SLX4IP: variants seen among roughly 807,000 people sequenced by gnomAD.
SLX4IP encodes the protein SLX4 interacting protein.
Under a neutral mutation model 32.9 loss-of-function variants are expected in SLX4IP, and 34 were observed. That is an observed-to-expected ratio of 1.03 (90% CI 0.79 to 1.38). The LOEUF (loss-of-function observed/expected upper bound fraction) is 1.38. Among genes scored for constraint, SLX4IP ranks in the 40% most tolerant of loss-of-function variants. The pLI is 0.00. For missense variants in SLX4IP, 444 were observed against 479.0 expected (o/e 0.93, Z 0.68); for synonymous variants, 172 against 171.7 (o/e 1.00, Z -0.01).
At position 10,616,186 on chromosome 20, in the gene SLX4IP, C is replaced by T. The variant is rs559769530; in HGVS notation, c.406-5128C>T. Among the ~76,000 whole-genome samples, 17 of 152,168 alleles carry T rather than the reference C, an allele frequency of 1.1e-4. No homozygotes were observed. The South Asian group carries it at 1.5e-3, about 13-fold the overall frequency. On this transcript the variant is annotated intron_variant, in intron 6 of 7. Transcript: ENST00000334534. ...CTCCCACTCTCTATATCCCGTCCAT[C>T]AGCACATTGTGTTGGGTCTCCCATC...
chr20:10,589,754 G>A (rs2066684772), intron 4 of SLX4IP, among the ~76,000 whole-genome samples: 1 of 152,008 alleles, frequency 6.6e-6, no homozygotes, highest in Non-Finnish European at 1.5e-5. Context: ...TTTCGTTTTT[G>A]TAGAAAGAAA....
intron 1 of SLX4IP, among the ~76,000 whole-genome samples, chr20:10,444,135 C>G (rs772396360): frequency 1.3e-5 from 2 of 150,534 alleles, no homozygotes; most frequent in East Asian, 1.9e-4. Context: ...GCTCAGATAC[C>G]TCTAATGTTG....
intron 2 of SLX4IP, among the ~76,000 whole-genome samples, chr20:10,482,654 T>A (rs948520971): frequency 6.6e-6 from 1 of 152,174 alleles, no homozygotes; most frequent in Non-Finnish European, 1.5e-5. Flanking sequence ...TCCTCTGCCA[T>A]GGGAACATCC....
intron 4 of SLX4IP, among the ~76,000 whole-genome samples, chr20:10,582,630 C>T (rs1001387040): frequency 2.0e-5 from 3 of 152,064 alleles, no homozygotes; most frequent in Non-Finnish European, 4.4e-5. Context: ...GTTTAAAAAT[C>T]TCAGGGTGAA....
At chr20:10,564,941 T>C (rs1337823566) in intron 4 of SLX4IP, among the ~76,000 whole-genome samples, 2 of 152,214 alleles carry the variant, frequency 1.3e-5, no homozygotes, top group Non-Finnish European at 2.9e-5. Flanking sequence ...AAAGGAGATA[T>C]TGTGCTTTTT....
At chr20:10,557,350 T>C (rs564995696) in intron 3 of SLX4IP, among the ~76,000 whole-genome samples, 34 of 152,316 alleles carry the variant, frequency 2.2e-4, no homozygotes, top group Non-Finnish European at 3.7e-4. Flanking sequence ...CTGTCATTAT[T>C]TTGCAAAGAA....
chr20:10,604,335 G>A (rs538708756), intron 6 of SLX4IP, among the ~76,000 whole-genome samples: 1 of 152,318 alleles, frequency 6.6e-6, no homozygotes, highest in South Asian at 2.1e-4. Flanking sequence ...ACTAGTACTT[G>A]AGCAACAGCC....
Position 10,562,230 on chromosome 20 carries a change from G to T in SLX4IP, c.238+1410G>T, listed in dbSNP as rs146105734. Among the ~76,000 whole-genome samples the T allele has an allele frequency of 3.9e-5, 6 of 152,262 alleles. No individual in the cohort carries two copies. The East Asian group carries it at 5.8e-4, about 15-fold the overall frequency. ...TCCCGGGTTCTTGCCTTGGTGTACC[G>T]GAAATACTGGATCACACGTGGGCTT... is the stretch of plus-strand genomic sequence containing the variant. On this transcript the variant is annotated intron_variant, in intron 4 of 7. Coordinates refer to ENST00000334534, the MANE Select transcript of SLX4IP (RefSeq NM_001009608.3).
intron 2 of SLX4IP, among the ~76,000 whole-genome samples, chr20:10,544,217 T>C (rs1313898981): frequency 6.6e-6 from 1 of 152,198 alleles, no homozygotes; most frequent in Non-Finnish European, 1.5e-5. Context: ...GCCTTTCCTT[T>C]CTGTTTCTTC....
At chr20:10,524,007 G>GCTGGCTGGTCGAACGTAAGAGCCTTC (rs1249890910) in intron 2 of SLX4IP, among the ~76,000 whole-genome samples, 1 of 152,232 alleles carries the variant, frequency 6.6e-6, no homozygotes, top group African/African-American at 2.4e-5. Context: ...CAAGGGCAGG[G>GCTGGCTGGTCGAACGTAAGAGCCTTC]CTGGCTGGTC....
At chr20:10,523,656 G>A (rs1466299004) in intron 2 of SLX4IP, among the ~76,000 whole-genome samples, 9 of 152,326 alleles carry the variant, frequency 5.9e-5, no homozygotes, top group East Asian at 1.9e-4. Context: ...CACGGTGCCC[G>A]GCACCAAACA....
chr20:10,440,112 T>C (rs1450274328), intron 1 of SLX4IP, among the ~76,000 whole-genome samples: 1 of 152,194 alleles, frequency 6.6e-6, no homozygotes, highest in Admixed American at 6.5e-5. Context: ...ACTTTTGATT[T>C]ATCTTCTAGT....
At chr20:10,493,397 T>A (rs934936557) in intron 2 of SLX4IP, among the ~76,000 whole-genome samples, 1 of 152,204 alleles carries the variant, frequency 6.6e-6, no homozygotes, top group Non-Finnish European at 1.5e-5. Context: ...TAATAGATTA[T>A]CACAGGATTT....
At chr20:10,464,776 T>C (rs1413896451) in intron 2 of SLX4IP, among the ~76,000 whole-genome samples, 1 of 151,482 alleles carries the variant, frequency 6.6e-6, no homozygotes. Flanking sequence ...ATGAATACTT[T>C]TTTTTTGTTT....
rs574004305 is a variant in SLX4IP at position 10,502,050 on chromosome 20, C to T, written c.27+43819C>T. ...TGGCAGATTTTTCACTGGGTGGGGC[C>T]GAAACGGCGGCTTATTCATTTTTTC... is the stretch of plus-strand genomic sequence containing the variant. On this transcript the variant is annotated intron_variant, in intron 2 of 7. Transcript: ENST00000334534. Among the ~76,000 whole-genome samples, 6 of 152,136 alleles carry T rather than the reference C, an allele frequency of 3.9e-5. No individual in the cohort carries two copies. In the South Asian group the frequency reaches 6.2e-4, roughly 16 times the overall value.
intron 6 of SLX4IP, among the ~76,000 whole-genome samples, chr20:10,607,501 GC>G (rs2066918895): frequency 6.6e-6 from 1 of 152,112 alleles, no homozygotes; most frequent in African/African-American, 2.4e-5. Context: ...CATGGTGCTT[GC>G]CCCCTCCCAA....
At chr20:10,510,690 C>T (rs1323358450) in intron 2 of SLX4IP, among the ~76,000 whole-genome samples, 2 of 151,782 alleles carry the variant, frequency 1.3e-5, no homozygotes, top group Admixed American at 6.6e-5. Context: ...CTGCAACCTC[C>T]ACCTCCCGGG....
At chr20:10,568,990 C>CA (rs1370558871) in intron 4 of SLX4IP, among the ~76,000 whole-genome samples, 1 of 152,126 alleles carries the variant, frequency 6.6e-6, no homozygotes. Flanking sequence ...TTCCCTTGTG[C>CA]AAATACCTTA....
chr20:10,550,431 C>G (rs1426271247), intron 2 of SLX4IP, among the ~76,000 whole-genome samples: 1 of 152,144 alleles, frequency 6.6e-6, no homozygotes, highest in Non-Finnish European at 1.5e-5. Flanking sequence ...CCTTCCTCTC[C>G]CTCACACCCA....
Sources: allele counts gnomAD v4.1 joint callset (sites outside exome capture counted in the v4.1 genomes callset), GRCh38; gene constraint gnomAD v4.1.1; transcripts MANE v1.5; gene names NCBI Gene and HGNC (gene_info 2026-07-23, HGNC 2026-07-21).